Variants in CDK17 observed in about 807,000 individuals in gnomAD.
CDK17 encodes cyclin dependent kinase 17, also known as cyclin-dependent kinase 17.
CDK17 carries 24 observed loss-of-function variants against 77.6 expected under a neutral mutation model. The observed-to-expected ratio is 0.31, with a 90% confidence interval of 0.22 to 0.44. The LOEUF is 0.44. CDK17 is among the 20% of genes least tolerant of loss of function. The pLI is 1.00. For synonymous variants in CDK17, 203 were observed against 210.4 expected, an observed-to-expected ratio of 0.96 and a Z score of 0.30; for missense variants, 429 against 622.5, an observed-to-expected ratio of 0.69 and a Z score of 3.31.
intron 5 of CDK17, among the ~76,000 whole-genome samples, chr12:96,301,667 A>G (rs1649928149): frequency 6.6e-6 from 1 of 152,170 alleles, no homozygotes; most frequent in Non-Finnish European, 1.5e-5. Context: ...ATGTTTTTTA[A>G]TACATAATCT....
At chr12:96,363,324 G>A (rs1471948948) in intron 1 of CDK17, among the ~76,000 whole-genome samples, 3 of 151,792 alleles carry the variant, frequency 2.0e-5, no homozygotes, top group Admixed American at 6.6e-5. Context: ...GGTGGTGGGC[G>A]CCTGTAATCC....
chr12:96,349,523 C>T (rs1367659626), intron 1 of CDK17, among the ~76,000 whole-genome samples: 1 of 121,922 alleles, frequency 8.2e-6, no homozygotes, highest in Non-Finnish European at 1.6e-5. Context: ...ATGAACTTCT[C>T]AATTGATTTA....
At chr12:96,381,673 G>T (rs895121260) in intron 1 of CDK17, among the ~76,000 whole-genome samples, 2 of 151,484 alleles carry the variant, frequency 1.3e-5, no homozygotes, top group African/African-American at 2.4e-5. Context: ...AAAATTAAGT[G>T]TTTTGCCACA....
At chr12:96,330,951 G>T (rs914566442) in intron 2 of CDK17, among the ~76,000 whole-genome samples, 6 of 152,080 alleles carry the variant, frequency 3.9e-5, no homozygotes, top group Admixed American at 2.6e-4. Context: ...AGGTGTGTTT[G>T]TTTGTTTGTT....
chr12:96,349,730 C>T (rs1473736131), intron 1 of CDK17, among the ~76,000 whole-genome samples: 1 of 152,130 alleles, frequency 6.6e-6, no homozygotes, highest in African/African-American at 2.4e-5. Context: ...TGCCTGCTTT[C>T]ACCACTTCTA....
intron 2 of CDK17, among the ~76,000 whole-genome samples, chr12:96,331,717 T>C (rs1350606157): frequency 6.6e-6 from 1 of 152,174 alleles, no homozygotes; most frequent in African/African-American, 2.4e-5. Flanking sequence ...GGTATAAGTA[T>C]AACCAAACGC....
At chr12:96,369,006 A>G (rs1401095598) in intron 1 of CDK17, among the ~76,000 whole-genome samples, 1 of 152,178 alleles carries the variant, frequency 6.6e-6, no homozygotes, top group Non-Finnish European at 1.5e-5. Context: ...AAGTTTGAAA[A>G]AGGGCTTCAG....
intron 10 of CDK17, among the ~76,000 whole-genome samples, chr12:96,290,065 A>C (rs899361562): frequency 6.6e-6 from 1 of 152,226 alleles, no homozygotes; most frequent in African/African-American, 2.4e-5. Flanking sequence ...ATGTTTTAAG[A>C]AAGTTTACGA....
intron 1 of CDK17, among the ~76,000 whole-genome samples, chr12:96,395,804 C>T (rs1015693382): frequency 6.6e-6 from 1 of 152,164 alleles, no homozygotes; most frequent in African/African-American, 2.4e-5. Context: ...TCACCTCTCC[C>T]TCCCCTCCCT....
rs576502251 is a variant in CDK17, at chr12:96,316,287, C to A, written c.284-2833G>T. Among the ~76,000 whole-genome samples the A allele has an allele frequency of 7.2e-5, 11 of 152,286 alleles. No homozygotes were observed. In the South Asian group the frequency reaches 2.3e-3, roughly 32 times the overall value. On this transcript the variant is annotated intron_variant, in intron 3 of 16. Transcript: ENST00000261211. ...GCGCACCACGAGACTATATACCACA[C>A]CTGGCTCGGAGGGTCCTACGCCCAC...
At chr12:96,381,519 A>T (rs1953880863) in intron 1 of CDK17, among the ~76,000 whole-genome samples, 1 of 152,154 alleles carries the variant, frequency 6.6e-6, no homozygotes, top group Admixed American at 6.5e-5. Flanking sequence ...AGAAAAAAAT[A>T]GAGACTTCTA....
At chr12:96,364,773 G>T (rs1312797605) in intron 1 of CDK17, among the ~76,000 whole-genome samples, 1 of 152,108 alleles carries the variant, frequency 6.6e-6, no homozygotes, top group African/African-American at 2.4e-5. Flanking sequence ...TTTCACAAAT[G>T]AACTTCAACA....
chr12:96,389,602 T>C lies in CDK17; in HGVS notation c.-30+10384A>G, dbSNP rs928551361. On this transcript the variant is annotated intron_variant, in intron 1 of 16. Transcript: ENST00000261211. ...CCCACTGTTTCTGAAATGATAAATG[T>C]TGGTTAATAAACCATGATCTCAAAA... Among the ~76,000 whole-genome samples the C allele has an allele frequency of 5.9e-5, 9 of 152,286 alleles. No homozygotes were observed. The South Asian group carries it at 1.7e-3, about 28-fold the overall frequency.
chr12:96,301,659 G>GC (rs1182888550), intron 5 of CDK17, among the ~76,000 whole-genome samples: 1 of 152,048 alleles, frequency 6.6e-6, no homozygotes, highest in Admixed American at 6.5e-5. Flanking sequence ...AGGAAATAAT[G>GC]TTTTTTAATA....
At chr12:96,360,771 A>T (rs1953481336) in intron 1 of CDK17, among the ~76,000 whole-genome samples, 1 of 152,244 alleles carries the variant, frequency 6.6e-6, no homozygotes. Flanking sequence ...AAGGCTCTGC[A>T]CATTGCAGAG....
intron 1 of CDK17, among the ~76,000 whole-genome samples, chr12:96,355,203 C>T (rs1208972607): frequency 6.6e-6 from 1 of 151,752 alleles, no homozygotes; most frequent in Non-Finnish European, 1.5e-5. Flanking sequence ...TTTGCACTTG[C>T]CCTTCCTCTG....
At chr12:96,300,660 G>A (rs553447981) in intron 5 of CDK17, among the ~76,000 whole-genome samples, 19 of 152,240 alleles carry the variant, frequency 1.2e-4, no homozygotes, top group African/African-American at 4.6e-4. Context: ...GCCTTCCAAA[G>A]TGCTGGGATT....
At chr12:96,371,643 A>T (rs1953694622) in intron 1 of CDK17, among the ~76,000 whole-genome samples, 1 of 152,114 alleles carries the variant, frequency 6.6e-6, no homozygotes. Context: ...GAGGCAGCAG[A>T]ATCACTTGAA....
At chr12:96,317,668 T>G (rs1192918162) in intron 3 of CDK17, among the ~76,000 whole-genome samples, 1 of 130,720 alleles carries the variant, frequency 7.6e-6, no homozygotes, top group African/African-American at 2.8e-5. Context: ...AAAAGAATTT[T>G]CAACCCAGAA....
Sources: gnomAD v4.1 joint callset for allele counts (sites outside exome capture counted in the v4.1 genomes callset) on GRCh38, gnomAD v4.1.1 for gene constraint, MANE v1.5 for transcripts, NCBI Gene and HGNC (gene_info 2026-07-23, HGNC 2026-07-21) for gene names.